Variants in SMTNL2 observed in about 807,000 individuals in gnomAD.
SMTNL2 encodes the protein smoothelin like 2, also known as smoothelin-like protein 2.
In SMTNL2, 43 loss-of-function variants were observed where a neutral mutation model predicts 44.1. That is an observed-to-expected ratio of 0.98 (90% confidence interval 0.76 to 1.26). The LOEUF is 1.26. Among genes scored for constraint, SMTNL2 ranks in the 50% most tolerant of loss-of-function variants. The pLI is 0.00. For missense variants in SMTNL2, 646 were observed against 670.2 expected (o/e 0.96, Z 0.40); for synonymous variants, 317 against 287.6 (o/e 1.10, Z -1.03).
Position 4,598,307 on chromosome 17 carries a change from C to A in SMTNL2, c.1259+984C>A, listed in dbSNP as rs917264281. ...GGGCCAGGGCTGTGGTTCATCCTGG[C>A]CCCCAGGGCAGGGAGCAGGGCACAG... On this transcript the variant is annotated intron_variant, in intron 7 of 7. Transcript: ENST00000389313. This position sits in a 1 kb window ranked among gnomAD's most constrained non-coding sequence, Gnocchi z 4.8. Among the ~76,000 whole-genome samples, 4 of 152,260 alleles carry A rather than the reference C, an allele frequency of 2.6e-5. No individual in the cohort carries two copies. The Middle Eastern group carries it at 0.01, about 388-fold the overall frequency.
rs577072849 is a variant in SMTNL2, at chr17:4,585,017, G to T, written c.399+13G>T. The T allele has an allele frequency of 6.4e-3, 8,466 of 1,314,966 alleles. 40 individuals carry two copies. The highest frequency in any genetic ancestry group is 7.3e-3 in the Non-Finnish European group (7,525 of 1,035,648). The allele number at this position is 1,314,966 out of a possible 1,614,324, so 81.5% of individuals were successfully genotyped here. On this transcript the variant is annotated intron_variant, in intron 1 of 7. Coordinates refer to ENST00000389313, the MANE Select transcript of SMTNL2 (RefSeq NM_001114974.2). ...CGGCCGCGGCCAGGTGAGCCCGGGG[G>T]AGCGCGTGCGCTGGCGCCAGGGAGT...
upstream of SMTNL2, chr17:4,584,420 G>C: frequency 1.9e-6 from 1 of 523,964 alleles, no homozygotes; most frequent in Non-Finnish European, 2.9e-6. Flanking sequence ...GTCCCGCTGG[G>C]CTCCAGGGCA....
chr17:4,597,042 C>G, intron 6 of SMTNL2, 65 bp downstream of exon 6: 1 of 1,487,212 alleles, frequency 6.7e-7, no homozygotes, highest in East Asian at 2.5e-5. Flanking sequence ...AGCGTCGCCC[C>G]TGTCCTTGTT....
Position 4,596,942 on chromosome 17 carries a change from C to A in SMTNL2, c.1072C>A (p.Leu358Ile), listed in dbSNP as rs753063111. The A allele has an allele frequency of 2.4e-5, 37 of 1,526,816 alleles. No homozygotes were observed. The highest frequency in any genetic ancestry group is 3.1e-5 in the Non-Finnish European group (35 of 1,130,900). 94.6% of individuals were successfully genotyped at this position (1,526,816 alleles called of 1,614,324 possible). Residue 358 changes from leucine to isoleucine, a missense_variant, in exon 6 of 8, where the codon CTC (leucine) becomes ATC (isoleucine). Physicochemically the swap from Leu to Ile is conservative, Grantham distance 5. Coordinates refer to ENST00000389313, the MANE Select transcript of SMTNL2 (RefSeq NM_001114974.2). The stretch of plus-strand genomic sequence containing the variant: ...CGCCAGCAGCATCAAGCAGATCCTG[C>A]TCGAGTGGTGCCGCAGCAAGACGCT... Reference protein sequence around the residue: ...ASASSIKQILLEWCRSKTLGY... With the variant: ...ASASSIKQILIEWCRSKTLGY...
chr17:4,605,401 T>G (rs957353409), intron 7 of SMTNL2, among the ~76,000 whole-genome samples: 2 of 151,974 alleles, frequency 1.3e-5, no homozygotes, highest in Non-Finnish European at 2.9e-5. Flanking sequence ...GCTCAAGTGA[T>G]CCTCCTGCCT....
intron 6 of SMTNL2, 22 bp from the exon 7 acceptor site, chr17:4,597,150 G>T: frequency 6.2e-7 from 1 of 1,609,736 alleles, no homozygotes. Flanking sequence ...CTCCCGCACT[G>T]ACCCCACTCA....
rs1233721819 is a variant in SMTNL2 at position 4,608,117 on chromosome 17, T to C, written c.*630T>C. The stretch of plus-strand genomic sequence containing the variant: ...TCCTCTCGGTCCCAAAGTCCTCCTG[T>C]TCTTCCCAGGAGGCCCCACAAGTGT... On this transcript the variant is annotated 3_prime_UTR_variant, in exon 8 of 8. Coordinates refer to ENST00000389313, the MANE Select transcript of SMTNL2 (RefSeq NM_001114974.2). 1 of 152,200 alleles carries C rather than the reference T, an allele frequency of 6.6e-6. No homozygotes were observed. Among genetic ancestry groups the C allele is most frequent in the East Asian group, 1.9e-4 (1 of 5,198 alleles). The allele number at this position is 152,200 out of a possible 1,614,324, so 9.4% of individuals were successfully genotyped here. A position where few individuals can be genotyped will look rare whatever the true frequency, so the allele number is the denominator to read the frequency against.
rs1235265268 is a variant in SMTNL2 at position 4,592,418 on chromosome 17, A to T, written c.457A>T (p.Ile153Phe). The T allele has an allele frequency of 1.2e-5, 20 of 1,613,332 alleles. No individual in the cohort carries two copies. Among genetic ancestry groups the T allele is most frequent in the Admixed American group, 1.7e-5 (1 of 59,938 alleles). Residue 153 changes from isoleucine to phenylalanine, a missense_variant, in exon 2 of 8, where the codon ATC (isoleucine) becomes TTC (phenylalanine). Transcript: ENST00000389313. The surrounding 1 kb of genome is among the most constrained non-coding windows in gnomAD (Gnocchi z 4.5). ...GATGAGAAAGACCTCAAACTCCTGC[A>T]TCATGGAAAATGGGCACCAGCCGGG... ...SEMRKTSNSC[I>F]MENGHQPGAG...
intron 6 of SMTNL2, 57 bp downstream of exon 6, chr17:4,597,034 C>T (rs1909847898): frequency 2.0e-5 from 29 of 1,479,282 alleles, no homozygotes; most frequent in Non-Finnish European, 2.6e-5. Context: ...CTTGACCAAG[C>T]GTCGCCCCTG....
Position 4,595,212 on chromosome 17 carries a change from C to A in SMTNL2, c.874C>A (p.Arg292=). The change falls in exon 5 of 8, where the codon CGG becomes AGG. Residue 292 remains arginine, a synonymous_variant. Transcript: ENST00000389313. This position sits in a 1 kb window ranked among gnomAD's most constrained non-coding sequence, Gnocchi z 5.1. ...PQPPAITQVH[R]QGERRRELVR... Reference sequence around the variant, plus strand: ...GCCGCCAGCCATAACTCAGGTCCATCGGCAGGGGGAGCGTCGCAGGGAGCT... The same window carrying A: ...GCCGCCAGCCATAACTCAGGTCCATAGGCAGGGGGAGCGTCGCAGGGAGCT... 2 of 1,613,302 alleles carry A rather than the reference C, an allele frequency of 1.2e-6. No individual in the cohort carries two copies. The highest frequency in any genetic ancestry group is 1.7e-6 in the Non-Finnish European group (2 of 1,180,006).
intron 1 of SMTNL2, among the ~76,000 whole-genome samples, chr17:4,589,938 CTTTTTTTTT>C (rs780984262): frequency 1.7e-5 from 1 of 59,792 alleles, no homozygotes; most frequent in Non-Finnish European, 3.0e-5. Flanking sequence ...ACGCACCTGG[CTTTTTTTTT>C]TTTTTTTTTT....
intron 7 of SMTNL2, among the ~76,000 whole-genome samples, chr17:4,606,327 G>A (rs561872305): frequency 3.4e-4 from 52 of 151,892 alleles, no homozygotes; most frequent in African/African-American, 1.3e-3. Context: ...TCACCATATT[G>A]GTCAGGCTGG....
At position 4,592,572 on chromosome 17, in the gene SMTNL2, C is replaced by G; in HGVS notation, c.487+124C>G. ...GGGGGGACTCTATCCTGAACCCCAG[C>G]AGGGAGAGAGGCTGCCAGGAGAGCA... On this transcript the variant is annotated intron_variant, in intron 2 of 7. Transcript: ENST00000389313. This position sits in a 1 kb window ranked among gnomAD's most constrained non-coding sequence, Gnocchi z 4.5. 1.1e-6 allele frequency: 1 copy of G among 875,662 alleles called. No homozygotes were observed. 54.2% of individuals were successfully genotyped at this position (875,662 alleles called of 1,614,324 possible). A position where few individuals can be genotyped will look rare whatever the true frequency, so the allele number is the denominator to read the frequency against.
At position 4,593,141 on chromosome 17, in the gene SMTNL2, G is replaced by T. The variant is rs377184261; in HGVS notation, c.700G>T (p.Val234Phe). Residue 234 changes from valine to phenylalanine, a missense_variant, in exon 3 of 8, where the codon GTC becomes TTC. By Grantham distance (50) the Val-to-Phe change is conservative (BLOSUM62 -1). Transcript: ENST00000389313. ...LGGLNPSPSE[V>F]ITPWTPSPSE... ...GGGCCTCAACCCAAGCCCCAGCGAG[G>T]TCATCACGCCCTGGACTCCCAGTCC... 14 of 1,610,314 alleles carry T rather than the reference G, an allele frequency of 8.7e-6. No homozygotes were observed. The highest frequency in any genetic ancestry group is 3.3e-5 in the Admixed American group (2 of 59,944).
chr17:4,592,547 G>A lies in SMTNL2; in HGVS notation c.487+99G>A, dbSNP rs1454240270. 2.4e-5 allele frequency: 27 copies of A among 1,130,250 alleles called. No individual in the cohort carries two copies. The highest frequency in any genetic ancestry group is 1.2e-4 in the South Asian group (8 of 67,828). 70.0% of individuals were successfully genotyped at this position (1,130,250 alleles called of 1,614,324 possible). A position where few individuals can be genotyped will look rare whatever the true frequency, so the allele number is the denominator to read the frequency against. On this transcript the variant is annotated intron_variant, in intron 2 of 7. Coordinates refer to ENST00000389313, the MANE Select transcript of SMTNL2 (RefSeq NM_001114974.2). The surrounding 1 kb of genome is among the most constrained non-coding windows in gnomAD (Gnocchi z 4.5). The stretch of plus-strand genomic sequence containing the variant: ...CCAGGCTGGCCCTTGGCCTGGCATC[G>A]GGGGGACTCTATCCTGAACCCCAGC...
upstream of SMTNL2, among the ~76,000 whole-genome samples, chr17:4,584,378 G>T (rs1212570033): frequency 1.3e-5 from 2 of 152,172 alleles, no homozygotes; most frequent in East Asian, 3.9e-4. Context: ...AGCCGGGGAG[G>T]GGAGAGGCTG....
At chr17:4,601,656 T>G (rs1332682636) in intron 7 of SMTNL2, among the ~76,000 whole-genome samples, 2 of 151,402 alleles carry the variant, frequency 1.3e-5, no homozygotes, top group African/African-American at 4.9e-5. Flanking sequence ...CCCAAGTAGC[T>G]GGGACTACAG....
At chr17:4,594,488 AAAC>A (rs1909721417) in intron 4 of SMTNL2, among the ~76,000 whole-genome samples, 2 of 146,612 alleles carry the variant, frequency 1.4e-5, no homozygotes, top group South Asian at 4.4e-4. Flanking sequence ...AATGAATAAA[AAAC>A]AAAAAAATAT....
rs759418597 is a variant in SMTNL2 at position 4,597,211 on chromosome 17, G to C, written c.1147G>C (p.Gly383Arg). ...GAACTTCTCCTCCAGCTGGAGCGAC[G>C]GCATGGCCTTCTGCGCCCTGGTACA... Reference protein sequence around the residue: ...LQNFSSSWSDGMAFCALVHSF... With the variant: ...LQNFSSSWSDRMAFCALVHSF... Residue 383 changes from glycine to arginine, a missense_variant, in exon 7 of 8, where the codon GGC becomes CGC. Coordinates refer to ENST00000389313, the MANE Select transcript of SMTNL2 (RefSeq NM_001114974.2). The C allele has an allele frequency of 2.5e-6, 4 of 1,613,880 alleles. No homozygotes were observed. The highest frequency in any genetic ancestry group is 3.4e-6 in the Non-Finnish European group (4 of 1,179,998).
Sources: allele counts gnomAD v4.1 joint callset (sites outside exome capture counted in the v4.1 genomes callset), GRCh38; gene constraint gnomAD v4.1.1; non-coding constraint Gnocchi (gnomAD v3.1); transcripts MANE v1.5; gene names NCBI Gene and HGNC (gene_info 2026-07-23, HGNC 2026-07-21).